FAM118B: variants seen among roughly 807,000 people sequenced by gnomAD.
The protein encoded by FAM118B is protein FAM118B.
In FAM118B, 24 loss-of-function variants were observed where a neutral mutation model predicts 38.5. The observed-to-expected ratio is 0.62, with a 90% CI of 0.45 to 0.88. The LOEUF (loss-of-function observed/expected upper bound fraction) is 0.88, where lower values mean the gene tolerates loss of function less well. Among genes scored for constraint, FAM118B ranks in the 40% least tolerant of loss-of-function variants. The pLI is 0.00. For synonymous variants in FAM118B, 138 were observed against 156.3 expected (o/e 0.88, Z 0.87); for missense variants, 334 against 420.0 (o/e 0.80, Z 1.79).
intron 3 of FAM118B, among the ~76,000 whole-genome samples, chr11:126,238,971 T>G (rs1425990432): frequency 3.5e-5 from 5 of 143,770 alleles, no homozygotes; most frequent in African/African-American, 1.3e-4. Flanking sequence ...TAAGTGGAAG[T>G]CTTTTTTTTT....
chr11:126,225,142 C>T (rs530359596), intron 1 of FAM118B, among the ~76,000 whole-genome samples: 1 of 152,296 alleles, frequency 6.6e-6, no homozygotes, highest in African/African-American at 2.4e-5. Context: ...CACTTGGCAT[C>T]TTAAGAGAGG....
At chr11:126,230,627 A>G (rs929716904) in intron 2 of FAM118B, among the ~76,000 whole-genome samples, 1 of 152,198 alleles carries the variant, frequency 6.6e-6, no homozygotes, top group Non-Finnish European at 1.5e-5. Context: ...TTTTTAAAAC[A>G]TTAGAATTTT....
rs1288775702 is a variant in FAM118B at position 126,262,700 on chromosome 11, C to T, written c.*567C>T. The stretch of plus-strand genomic sequence containing the variant: ...AGTCATTGTAAGAAACTCTAACTTG[C>T]ATCAAGGTACTAATAAGCTTAATTT... On this transcript the variant is annotated 3_prime_UTR_variant, in exon 9 of 9. Transcript: ENST00000533050. 1 of 152,636 alleles carries T rather than the reference C, an allele frequency of 6.6e-6. No individual in the cohort carries two copies. The highest frequency in any genetic ancestry group is 1.5e-5 in the Non-Finnish European group (1 of 68,120). The allele number at this position is 152,636 out of a possible 1,614,324, so 9.5% of individuals were successfully genotyped here.
rs1565339961 is a variant in FAM118B at position 126,255,286 on chromosome 11, T to C, written c.696+853T>C. ...CTGCCCCCAGCTCTAAGAATCTTGT[T>C]TGCTGTTTTCAGGACTGGGTCATAT... On this transcript the variant is annotated intron_variant, in intron 6 of 8. Transcript: ENST00000533050. This position sits in a 1 kb window ranked among gnomAD's most constrained non-coding sequence, Gnocchi z 4.6. 6.6e-6 allele frequency among the ~76,000 whole-genome samples: 1 copy of C among 152,248 alleles called. No individual in the cohort carries two copies. The highest frequency in any genetic ancestry group is 1.5e-5 in the Non-Finnish European group (1 of 68,038).
Position 126,254,334 on chromosome 11 carries a change from G to T in FAM118B, c.597G>T (p.Lys199Asn), listed in dbSNP as rs144267988. The change falls in exon 6 of 9, where the codon AAG becomes AAT. Residue 199 changes from lysine to asparagine, a missense_variant. Coordinates refer to ENST00000533050, the MANE Select transcript of FAM118B (RefSeq NM_024556.4). Reference protein sequence around the residue: ...KVLEWAQEKRKLSVLHIHGVY... With the variant: ...KVLEWAQEKRNLSVLHIHGVY... ...TCGAGTGGGCTCAGGAGAAGCGTAA[G>T]CTGAGCGTGTTGCATATTCACGGAG... The T allele has an allele frequency of 5.0e-6, 8 of 1,613,730 alleles. No individual in the cohort carries two copies. The highest frequency in any genetic ancestry group is 6.8e-6 in the Non-Finnish European group (8 of 1,179,956).
intron 2 of FAM118B, among the ~76,000 whole-genome samples, chr11:126,232,261 A>T (rs77663869): frequency 6.6e-6 from 1 of 152,164 alleles, no homozygotes; most frequent in Non-Finnish European, 1.5e-5. Flanking sequence ...CCTGTTTAGC[A>T]ATAGTGTAGT....
chr11:126,256,487 A>C lies in FAM118B; in HGVS notation c.697-80A>C. 2 of 1,372,026 alleles carry C rather than the reference A, an allele frequency of 1.5e-6. No individual in the cohort carries two copies. Among genetic ancestry groups the C allele is most frequent in the Non-Finnish European group, 2.0e-6 (2 of 992,712 alleles). 85.0% of individuals were successfully genotyped at this position (1,372,026 alleles called of 1,614,324 possible). On this transcript the variant is annotated intron_variant, in intron 6 of 8. Coordinates refer to ENST00000533050, the MANE Select transcript of FAM118B (RefSeq NM_024556.4). This position sits in a 1 kb window ranked among gnomAD's most constrained non-coding sequence, Gnocchi z 6.6. ...CTTAATTGGTCATCACAGTCTGCTC[A>C]ACGTAGCATGACCTTCTTGTTTCAG... is the stretch of plus-strand genomic sequence containing the variant.
Position 126,262,109 on chromosome 11 carries a change from T to C in FAM118B, c.1043-11T>C. ...AAACTTCATTTTGTTCTCTTTTCTT[T>C]CTCCCTACAGGCTGTAGTACATGAG... On this transcript the variant is annotated splice_polypyrimidine_tract_variant and intron_variant, in intron 8 of 8. Coordinates refer to ENST00000533050, the MANE Select transcript of FAM118B (RefSeq NM_024556.4). 1.9e-6 allele frequency: 3 copies of C among 1,614,092 alleles called. No individual in the cohort carries two copies. Among genetic ancestry groups the C allele is most frequent in the Non-Finnish European group, 2.5e-6 (3 of 1,179,968 alleles).
At chr11:126,247,333 A>G (rs932316130) in intron 4 of FAM118B, among the ~76,000 whole-genome samples, 4 of 152,312 alleles carry the variant, frequency 2.6e-5, no homozygotes, top group Admixed American at 2.0e-4. Context: ...GAGGAAATCA[A>G]TGCAGTTGCA....
At chr11:126,235,515 G>C (rs1404955380) in intron 3 of FAM118B, among the ~76,000 whole-genome samples, 2 of 151,956 alleles carry the variant, frequency 1.3e-5, no homozygotes, top group Non-Finnish European at 2.9e-5. Context: ...CACAGTGTTT[G>C]GTTCAATCCA....
chr11:126,234,889 C>A, intron 2 of FAM118B, 106 bp from the exon 3 acceptor site: 1 of 760,264 alleles, frequency 1.3e-6, no homozygotes, highest in Non-Finnish European at 2.0e-6. Context: ...ACCTCCAAAA[C>A]ACCTTTAAGG....
At chr11:126,227,355 C>T (rs1950157159) in intron 1 of FAM118B, among the ~76,000 whole-genome samples, 1 of 152,086 alleles carries the variant, frequency 6.6e-6, no homozygotes, top group Non-Finnish European at 1.5e-5. Flanking sequence ...AGCCACCGTG[C>T]CCAGCCACAA....
chr11:126,212,450 T>A (rs1214282482), intron 1 of FAM118B, among the ~76,000 whole-genome samples: 1 of 152,186 alleles, frequency 6.6e-6, no homozygotes, highest in Non-Finnish European at 1.5e-5. Flanking sequence ...TCTCACGAGA[T>A]GCGATGTTGG....
Position 126,262,220 on chromosome 11 carries a change from A to G in FAM118B, c.*87A>G. The stretch of plus-strand genomic sequence containing the variant: ...TAACAAGTAAACTTACAAGAACCCA[A>G]CACAATTCCCAGAAAGTAACAATAG... On this transcript the variant is annotated 3_prime_UTR_variant, in exon 9 of 9. Transcript: ENST00000533050. The G allele has an allele frequency of 7.0e-7, 1 of 1,436,520 alleles. No individual in the cohort carries two copies. Among genetic ancestry groups the G allele is most frequent in the Middle Eastern group, 1.8e-4 (1 of 5,698 alleles). 89.0% of individuals were successfully genotyped at this position (1,436,520 alleles called of 1,614,324 possible). A position where few individuals can be genotyped will look rare whatever the true frequency, so the allele number is the denominator to read the frequency against.
chr11:126,224,868 G>A (rs1230788327), intron 1 of FAM118B, among the ~76,000 whole-genome samples: 2 of 152,218 alleles, frequency 1.3e-5, no homozygotes, highest in Non-Finnish European at 2.9e-5. Flanking sequence ...CAAAACAGAT[G>A]AATAATTAGG....
At chr11:126,261,648 T>C (rs896215300) in intron 8 of FAM118B, among the ~76,000 whole-genome samples, 164 bp downstream of exon 8, 2 of 152,232 alleles carry the variant, frequency 1.3e-5, no homozygotes, top group African/African-American at 4.8e-5. Context: ...ATTCTATCTT[T>C]TCCTATCAAG....
intron 1 of FAM118B, among the ~76,000 whole-genome samples, chr11:126,225,980 C>CAAAAAA (rs551269151): frequency 5.9e-4 from 90 of 152,054 alleles, no homozygotes; most frequent in African/African-American, 2.1e-3. Context: ...GACTCTGTCT[C>CAAAAAA]AAGAAAAAGA....
intron 3 of FAM118B, among the ~76,000 whole-genome samples, chr11:126,235,828 C>T (rs1950267666): frequency 7.2e-6 from 1 of 138,124 alleles, no homozygotes; most frequent in African/African-American, 3.4e-5. Context: ...CTGGTTCAAT[C>T]CACTTTTAAT....
chr11:126,218,513 G>A (rs1410560261), intron 1 of FAM118B, among the ~76,000 whole-genome samples: 1 of 151,616 alleles, frequency 6.6e-6, no homozygotes, highest in Non-Finnish European at 1.5e-5. Context: ...AACATTCTAT[G>A]AGGGCAGGGA....
Sources: allele counts gnomAD v4.1 joint callset (sites outside exome capture counted in the v4.1 genomes callset), GRCh38; gene constraint gnomAD v4.1.1; non-coding constraint Gnocchi (gnomAD v3.1); transcripts MANE v1.5; gene names NCBI Gene and HGNC (gene_info 2026-07-23, HGNC 2026-07-21).